Variants in HECA observed in about 807,000 individuals in gnomAD.
HECA encodes HECA ribonucleoprotein granule regulator, also known as headcase protein homolog.
In HECA, 13 loss-of-function variants were observed where a neutral mutation model predicts 37.6. The ratio of observed to expected loss-of-function variants is 0.35; its 90% CI spans 0.23 to 0.55. HECA has a LOEUF of 0.55. Among genes scored for constraint, HECA ranks in the 20% least tolerant of loss-of-function variants. The pLI is 0.90. For missense variants in HECA, 527 were observed against 701.9 expected, an observed-to-expected ratio of 0.75 and a Z score of 2.82; for synonymous variants, 307 against 291.5, an observed-to-expected ratio of 1.05 and a Z score of -0.54.
rs1287818199 is a variant in HECA at position 139,174,960 on chromosome 6, T to G, written c.1467+421T>G. ...TATAGTAAATTTCTAATAGAAAAAA[T>G]GTTATTCAAAAGGAAGAAAGTCACT... On this transcript the variant is annotated intron_variant, in intron 3 of 3. Transcript: ENST00000367658. Among the ~76,000 whole-genome samples, 7 of 152,188 alleles carry G rather than the reference T, an allele frequency of 4.6e-5. No individual in the cohort carries two copies. In the South Asian group the frequency reaches 6.2e-4, roughly 14 times the overall value.
chr6:139,162,654 A>ATC (rs1774821988), intron 1 of HECA, among the ~76,000 whole-genome samples: 1 of 152,226 alleles, frequency 6.6e-6, no homozygotes, highest in African/African-American at 2.4e-5. Context: ...AGGCCCTGGA[A>ATC]TCCCACACCT....
chr6:139,135,655 G>A lies in HECA; in HGVS notation c.259G>A (p.Asp87Asn). ...CGCCGCGGGGGCTGCGGCCGCGGGC[G>A]ATGCCAAAAACGGTAAGACGGGGCT... ...AAAAGAAAAG[D>N]AKNEAPCATP... Residue 87 changes from aspartate to asparagine, a missense_variant, in exon 1 of 4, where the codon GAT (aspartate) becomes AAT (asparagine). By Grantham distance (23) the Asp-to-Asn change is conservative. This residue lies in a region of HECA where 172 missense variants were observed against 197.6 expected (regional missense o/e 0.87). Transcript: ENST00000367658. The A allele has an allele frequency of 4.1e-6, 4 of 981,906 alleles. No individual in the cohort carries two copies. The highest frequency in any genetic ancestry group is 4.8e-6 in the Non-Finnish European group (4 of 827,072). 60.8% of individuals were successfully genotyped at this position (981,906 alleles called of 1,614,324 possible).
rs138982846 is a variant in HECA at position 139,167,188 on chromosome 6, C to T, written c.1176C>T (p.His392=). Residue 392 remains histidine, a synonymous_variant, in exon 2 of 4, where the codon CAC becomes CAT. Coordinates refer to ENST00000367658, the MANE Select transcript of HECA (RefSeq NM_016217.3). ...TTCTGGCCGCGCTCAGTGCCAGCCACAGAAACGTGGTAAACTGTGCCCTGT... is the reference window on the plus strand; with the variant it reads ...TTCTGGCCGCGCTCAGTGCCAGCCATAGAAACGTGGTAAACTGTGCCCTGT... ...KFILAALSAS[H]RNVVNCALCH... is the part of the protein sequence containing the mutation. The T allele has an allele frequency of 3.1e-6, 5 of 1,614,064 alleles. No homozygotes were observed. The African/African-American group carries it at 4.0e-5, about 13-fold the overall frequency.
chr6:139,135,889 G>GC (rs1249552700), intron 1 of HECA, among the ~76,000 whole-genome samples: 1 of 151,750 alleles, frequency 6.6e-6, no homozygotes, highest in African/African-American at 2.4e-5. Flanking sequence ...GGCAGCCCGC[G>GC]CCCCACACTC....
chr6:139,169,230 TA>T (rs1774936466), intron 2 of HECA, among the ~76,000 whole-genome samples: 2 of 152,052 alleles, frequency 1.3e-5, no homozygotes, highest in South Asian at 4.1e-4. Flanking sequence ...CCCCTTAGAT[TA>T]TTTTTTTTGT....
intron 1 of HECA, among the ~76,000 whole-genome samples, chr6:139,146,133 T>C (rs1212604589): frequency 6.6e-6 from 1 of 152,236 alleles, no homozygotes; most frequent in Non-Finnish European, 1.5e-5. Context: ...TCACATTTCT[T>C]TTTATTTCAT....
intron 1 of HECA, among the ~76,000 whole-genome samples, chr6:139,160,470 C>T (rs1774783314): frequency 6.6e-6 from 1 of 152,184 alleles, no homozygotes; most frequent in South Asian, 2.1e-4. Flanking sequence ...GACAAGGTTT[C>T]ACTCATTGCC....
At position 139,179,538 on chromosome 6, in the gene HECA, G is replaced by A. The variant is rs886798049; in HGVS notation, c.*2433G>A. Reference sequence around the variant, plus strand: ...TCGATGCTAAAGTAAGGATTCTGTGGATGTTACTTAAAGAGAAAAGCATAA... The same window carrying A: ...TCGATGCTAAAGTAAGGATTCTGTGAATGTTACTTAAAGAGAAAAGCATAA... On this transcript the variant is annotated 3_prime_UTR_variant, in exon 4 of 4. Transcript: ENST00000367658. 1 of 152,176 alleles carries A rather than the reference G, an allele frequency of 6.6e-6. No homozygotes were observed. Among genetic ancestry groups the A allele is most frequent in the Non-Finnish European group, 1.5e-5 (1 of 68,000 alleles). The allele number at this position is 152,176 out of a possible 1,614,324, so 9.4% of individuals were successfully genotyped here. A position where few individuals can be genotyped will look rare whatever the true frequency, so the allele number is the denominator to read the frequency against.
At chr6:139,148,288 T>C (rs944649557) in intron 1 of HECA, among the ~76,000 whole-genome samples, 3 of 152,196 alleles carry the variant, frequency 2.0e-5, no homozygotes, top group Admixed American at 1.3e-4. Flanking sequence ...AACATCCACA[T>C]AGAAATAAAG....
Position 139,177,290 on chromosome 6 carries a change from G to T in HECA, c.*185G>T. 2.1e-6 allele frequency: 1 copy of T among 474,272 alleles called. No homozygotes were observed. Among genetic ancestry groups the T allele is most frequent in the South Asian group, 3.5e-5 (1 of 28,694 alleles). The allele number at this position is 474,272 out of a possible 1,614,324, so 29.4% of individuals were successfully genotyped here. ...CTTGATTCCCGAGTGTTAATCTGTG[G>T]TTTTGACCAGAGCCCAGATGGGTAA... On this transcript the variant is annotated 3_prime_UTR_variant, in exon 4 of 4. Coordinates refer to ENST00000367658, the MANE Select transcript of HECA (RefSeq NM_016217.3). This position sits in a 1 kb window ranked among gnomAD's most constrained non-coding sequence, Gnocchi z 4.9.
chr6:139,153,801 G>T (rs1270843249), intron 1 of HECA, among the ~76,000 whole-genome samples: 1 of 152,118 alleles, frequency 6.6e-6, no homozygotes, highest in African/African-American at 2.4e-5. Flanking sequence ...ACAGGGTATT[G>T]TCCTGCTTAG....
In HECA at chr6:139,135,333, C is replaced by T; in HGVS notation, c.-64C>T. On this transcript the variant is annotated 5_prime_UTR_variant, in exon 1 of 4. It adds an upstream start codon to the 5' untranslated region. Transcript: ENST00000367658. ...AGCCGGCTTCACGCAGGGCCGGGAACGGCCGTGCCTCTGGGATCCGCCTTC... is the reference window on the plus strand; with the variant it reads ...AGCCGGCTTCACGCAGGGCCGGGAATGGCCGTGCCTCTGGGATCCGCCTTC... The T allele has an allele frequency of 8.2e-7, 1 of 1,217,626 alleles. No homozygotes were observed. The highest frequency in any genetic ancestry group is 1.1e-6 in the Non-Finnish European group (1 of 949,558). 75.4% of individuals were successfully genotyped at this position (1,217,626 alleles called of 1,614,324 possible).
intron 1 of HECA, among the ~76,000 whole-genome samples, chr6:139,140,948 GC>G (rs1774505831): frequency 6.6e-6 from 1 of 152,050 alleles, no homozygotes; most frequent in Non-Finnish European, 1.5e-5. Context: ...CCGCCACAAT[GC>G]CCGGCTAATT....
intron 1 of HECA, among the ~76,000 whole-genome samples, chr6:139,152,346 G>A (rs1416561225): frequency 3.3e-5 from 5 of 151,904 alleles, no homozygotes; most frequent in Non-Finnish European, 5.9e-5. Context: ...AAAAGGGTGG[G>A]TCTAGGAGAA....
chr6:139,176,358 G>A lies in HECA; in HGVS notation c.1468-583G>A, dbSNP rs1455564083. 6.6e-6 allele frequency among the ~76,000 whole-genome samples: 1 copy of A among 152,186 alleles called. No homozygotes were observed. Among genetic ancestry groups the A allele is most frequent in the Non-Finnish European group, 1.5e-5 (1 of 68,030 alleles). ...TTTAAAATGAGTCTAAATTGAGTCT[G>A]TTTTATTTATAATTTGTGGTTATTC... On this transcript the variant is annotated intron_variant, in intron 3 of 3. Transcript: ENST00000367658. This position sits in a 1 kb window ranked among gnomAD's most constrained non-coding sequence, Gnocchi z 4.5.
At chr6:139,174,796 T>C (rs1279151747) in intron 3 of HECA, among the ~76,000 whole-genome samples, 1 of 152,190 alleles carries the variant, frequency 6.6e-6, no homozygotes, top group Non-Finnish European at 1.5e-5. Context: ...TATAATAATA[T>C]GCTTGCATTT....
At chr6:139,150,591 AATAT>A (rs35993836) in intron 1 of HECA, among the ~76,000 whole-genome samples, 5 of 150,276 alleles carry the variant, frequency 3.3e-5, no homozygotes, top group African/African-American at 1.2e-4. Flanking sequence ...ATTCATTTAG[AATAT>A]ATATATATAT....
chr6:139,154,624 G>T (rs555765374), intron 1 of HECA, among the ~76,000 whole-genome samples: 2 of 152,334 alleles, frequency 1.3e-5, no homozygotes, highest in East Asian at 3.9e-4. Flanking sequence ...AAGGGAAGGG[G>T]TAAAGTCATT....
In HECA at chr6:139,141,721, G is replaced by A. The variant is rs140733972; in HGVS notation, c.271+6054G>A. The stretch of plus-strand genomic sequence containing the variant: ...GCACTTTTATGAGGGATCTAATCCC[G>A]TTCATGAGAGCCCTCATGGCCTAAA... On this transcript the variant is annotated intron_variant, in intron 1 of 3. Transcript: ENST00000367658. Among the ~76,000 whole-genome samples the A allele has an allele frequency of 5.6e-3, 833 of 149,810 alleles. 9 individuals are homozygous for A. Among genetic ancestry groups the A allele is most frequent in the South Asian group, 0.048 (226 of 4,714 alleles).
Sources: gnomAD v4.1 joint callset for allele counts (sites outside exome capture counted in the v4.1 genomes callset) on GRCh38, gnomAD v4.1.1 for gene constraint, gnomAD v4.1.1 regional missense constraint, Gnocchi (gnomAD v3.1) non-coding constraint, MANE v1.5 for transcripts, NCBI Gene and HGNC (gene_info 2026-07-23, HGNC 2026-07-21) for gene names.